The following VEPH1 variants were observed in gnomAD, a reference collection of about 807,000 sequenced individuals.
VEPH1 encodes ventricular zone expressed PH domain containing 1, also known as ventricular zone-expressed PH domain-containing protein homolog 1.
In VEPH1, 80 loss-of-function variants were observed where a neutral mutation model predicts 85.2. The ratio of observed to expected loss-of-function variants is 0.94; its 90% CI spans 0.78 to 1.13. VEPH1 has a LOEUF of 1.13. VEPH1 is among the 50% of genes most tolerant of loss of function. VEPH1 has a pLI of 0.00. For synonymous variants in VEPH1, 297 were observed against 348.0 expected, an observed-to-expected ratio of 0.85 and a Z score of 1.63; for missense variants, 955 against 980.5, an observed-to-expected ratio of 0.97 and a Z score of 0.35.
rs190553576 is a variant in VEPH1 at position 157,431,598 on chromosome 3, T to C, written c.530-3110A>G. 3.1e-3 allele frequency among the ~76,000 whole-genome samples: 478 copies of C among 152,234 alleles called. 1 individual carries two copies. Among genetic ancestry groups the C allele is most frequent in the African/African-American group, 0.011 (443 of 41,542 alleles). Reference sequence around the variant, plus strand: ...TATCTGAAATGCATATTACATAACATGTTCACAGGTTCCGGGGATTAGAAC... The same window carrying C: ...TATCTGAAATGCATATTACATAACACGTTCACAGGTTCCGGGGATTAGAAC... On this transcript the variant is annotated intron_variant, in intron 4 of 13. Transcript: ENST00000362010.
rs548422633 is a variant in VEPH1 at position 157,292,225 on chromosome 3, C to T, written c.2011-5551G>A. ...TGATTAGAAGTCCTGAGCCACTGCA[C>T]GCCATCTACATTTTTACACAAGCTC... On this transcript the variant is annotated intron_variant, in intron 11 of 13. Transcript: ENST00000362010. 7.9e-5 allele frequency among the ~76,000 whole-genome samples: 12 copies of T among 152,236 alleles called. 1 individual carries two copies. The South Asian group carries it at 2.5e-3, about 32-fold the overall frequency.
chr3:157,323,241 A>G (rs1442825155), intron 9 of VEPH1, among the ~76,000 whole-genome samples: 1 of 152,254 alleles, frequency 6.6e-6, no homozygotes, highest in East Asian at 1.9e-4. Context: ...GGTAAAAACA[A>G]AATTAGATTC....
intron 9 of VEPH1, among the ~76,000 whole-genome samples, chr3:157,358,442 C>G (rs1156616654): frequency 6.6e-6 from 1 of 152,206 alleles, no homozygotes; most frequent in East Asian, 1.9e-4. Context: ...AAATTCTTCT[C>G]TGGCTCCAAA....
At chr3:157,310,084 T>C (rs1417518790) in intron 11 of VEPH1, among the ~76,000 whole-genome samples, 2 of 152,252 alleles carry the variant, frequency 1.3e-5, no homozygotes, top group Non-Finnish European at 2.9e-5. Context: ...CTGAATTTAC[T>C]GCACCTGGCT....
chr3:157,347,846 T>A (rs1472614282), intron 9 of VEPH1, among the ~76,000 whole-genome samples: 2 of 152,310 alleles, frequency 1.3e-5, no homozygotes, highest in East Asian at 3.9e-4. Flanking sequence ...CTGCCAGGAA[T>A]TCACATAGCT....
In VEPH1 at chr3:157,387,007, C is replaced by T. The variant is rs1027745079; in HGVS notation, c.907-5631G>A. ...ATCAGGAGTCAAATAAATATTTTCT[C>T]TAAAGGAACAGACAGTAAATATTTC... On this transcript the variant is annotated intron_variant, in intron 6 of 13. Coordinates refer to ENST00000362010, the MANE Select transcript of VEPH1 (RefSeq NM_001167912.2). Among the ~76,000 whole-genome samples the T allele has an allele frequency of 3.9e-5, 6 of 152,250 alleles. No individual in the cohort carries two copies. In the South Asian group the frequency reaches 6.2e-4, roughly 16 times the overall value.
At chr3:157,340,974 G>A (rs1020589904) in intron 9 of VEPH1, among the ~76,000 whole-genome samples, 14 of 152,206 alleles carry the variant, frequency 9.2e-5, no homozygotes, top group African/African-American at 3.4e-4. Flanking sequence ...CTGACTGTTA[G>A]AAGGAAAACT....
intron 5 of VEPH1, among the ~76,000 whole-genome samples, chr3:157,418,445 A>G (rs1426435265): frequency 6.6e-6 from 1 of 152,178 alleles, no homozygotes; most frequent in Non-Finnish European, 1.5e-5. Flanking sequence ...CAACATTTCA[A>G]TTCCTCTGTA....
intron 2 of VEPH1, among the ~76,000 whole-genome samples, chr3:157,483,413 A>G (rs1389768828): frequency 6.6e-6 from 1 of 152,230 alleles, no homozygotes; most frequent in Admixed American, 6.5e-5. Flanking sequence ...CAATATGAGC[A>G]CATGTAAGCA....
chr3:157,425,773 T>TGGTTG (rs1732711418), intron 5 of VEPH1, among the ~76,000 whole-genome samples: 1 of 152,148 alleles, frequency 6.6e-6, no homozygotes, highest in Non-Finnish European at 1.5e-5. Context: ...TGAGAAGGCA[T>TGGTTG]GGTTGGTTTT....
chr3:157,301,330 C>A (rs1718775667), intron 11 of VEPH1, among the ~76,000 whole-genome samples: 1 of 152,114 alleles, frequency 6.6e-6, no homozygotes, highest in Non-Finnish European at 1.5e-5. Context: ...CAGCACAAAT[C>A]CATCATTTTC....
intron 4 of VEPH1, among the ~76,000 whole-genome samples, chr3:157,434,103 G>A (rs2109156680): frequency 6.6e-6 from 1 of 151,152 alleles, no homozygotes; most frequent in East Asian, 1.9e-4. Context: ...GTATTTCTTT[G>A]TATCATAATT....
rs545468833 is a variant in VEPH1 at position 157,478,434 on chromosome 3, A to T, written c.139-7905T>A. Among the ~76,000 whole-genome samples, 5 of 152,320 alleles carry T rather than the reference A, an allele frequency of 3.3e-5. No homozygotes were observed. The East Asian group carries it at 9.6e-4, about 29-fold the overall frequency. On this transcript the variant is annotated intron_variant, in intron 2 of 13. Transcript: ENST00000362010. ...CCTGGGAACAGTTTATATAGATGAC[A>T]CTGAGAAGCATAGCAAACAATGTCC...
intron 11 of VEPH1, among the ~76,000 whole-genome samples, chr3:157,289,747 CA>C (rs1441627272): frequency 1.3e-5 from 2 of 152,098 alleles, no homozygotes; most frequent in African/African-American, 2.4e-5. Context: ...AACAGGAGAA[CA>C]AAAATAGATT....
chr3:157,364,961 G>T (rs1188728766), intron 7 of VEPH1, among the ~76,000 whole-genome samples: 1 of 152,184 alleles, frequency 6.6e-6, no homozygotes, highest in African/African-American at 2.4e-5. Flanking sequence ...TAAAAAATCA[G>T]TATAACTCTT....
At chr3:157,445,540 G>A (rs767388397) in intron 4 of VEPH1, among the ~76,000 whole-genome samples, 2 of 152,194 alleles carry the variant, frequency 1.3e-5, no homozygotes, top group East Asian at 1.9e-4. Context: ...AGAATCTCTC[G>A]AACCTGGGAG....
chr3:157,347,430 C>T (rs1053990758), intron 9 of VEPH1, among the ~76,000 whole-genome samples: 5 of 152,174 alleles, frequency 3.3e-5, no homozygotes, highest in African/African-American at 1.2e-4. Context: ...TCCAATGCTA[C>T]CAGCGCCTGC....
intron 2 of VEPH1, among the ~76,000 whole-genome samples, chr3:157,486,268 C>T (rs57151472): frequency 0.063 from 9,565 of 151,870 alleles, 816 homozygotes; most frequent in African/African-American, 0.19. Context: ...GAGACCGAGG[C>T]GGGTGGATCA....
At chr3:157,419,336 T>C (rs1190650513) in intron 5 of VEPH1, among the ~76,000 whole-genome samples, 1 of 151,886 alleles carries the variant, frequency 6.6e-6, no homozygotes, top group Non-Finnish European at 1.5e-5. Context: ...TGGGATCTAA[T>C]TAAAGAGCTT....
Sources: allele counts gnomAD v4.1 joint callset (sites outside exome capture counted in the v4.1 genomes callset), GRCh38; gene constraint gnomAD v4.1.1; transcripts MANE v1.5; gene names NCBI Gene and HGNC (gene_info 2026-07-23, HGNC 2026-07-21).